DNAH5: variants seen among roughly 807,000 people sequenced by gnomAD.
DNAH5 encodes dynein axonemal heavy chain 5, also known as axonemal beta dynein heavy chain 5.
A neutral mutation model predicts 518.2 loss-of-function variants in DNAH5; 372 were observed. That is an observed-to-expected ratio of 0.72 (90% CI 0.66 to 0.78). The LOEUF (loss-of-function observed/expected upper bound fraction) is 0.78, where lower values mean the gene tolerates loss of function less well. Ranked by LOEUF, DNAH5 falls within the 30% of genes least tolerant of loss-of-function variation. The pLI, the probability that DNAH5 is intolerant of heterozygous loss-of-function variation, is 0.00. For synonymous variants in DNAH5, 2,039 were observed against 2,025.9 expected, an observed-to-expected ratio of 1.01 and a Z score of -0.17; for missense variants, 5,523 against 5,687.0, an observed-to-expected ratio of 0.97 and a Z score of 0.93.
chr5:13,771,033 T>C, intron 55 of DNAH5, 53 bp from the exon 56 acceptor site: 17 of 1,419,690 alleles, frequency 1.2e-5, no homozygotes, highest in Non-Finnish European at 1.6e-5. Context: ...GTTACCCTTT[T>C]AAAAGTTAAC....
At chr5:13,920,694 T>C in intron 5 of DNAH5, 77 bp from the exon 6 acceptor site, 2 of 1,551,070 alleles carry the variant, frequency 1.3e-6, no homozygotes, top group East Asian at 2.3e-5. Context: ...GTTTTCCACT[T>C]TGCTGCACTC....
intron 1 of DNAH5, among the ~76,000 whole-genome samples, chr5:14,010,592 C>T (rs576214352): frequency 1.9e-3 from 283 of 152,098 alleles, no homozygotes; most frequent in African/African-American, 6.6e-3. Flanking sequence ...ACTTGAAATA[C>T]TAAAAAGAGC....
intron 55 of DNAH5, among the ~76,000 whole-genome samples, chr5:13,774,682 C>G (rs2126802137): frequency 6.6e-6 from 1 of 152,202 alleles, no homozygotes; most frequent in South Asian, 2.1e-4. Context: ...TATTTGCTAG[C>G]AACTGAGGAT....
At chr5:13,736,605 T>C (rs981554104) in intron 66 of DNAH5, among the ~76,000 whole-genome samples, 3 of 152,098 alleles carry the variant, frequency 2.0e-5, no homozygotes, top group African/African-American at 7.2e-5. Flanking sequence ...AGTTTCACCA[T>C]GTTATCCAGG....
chr5:13,835,889 C>T (rs1764320292), intron 35 of DNAH5, among the ~76,000 whole-genome samples: 1 of 152,142 alleles, frequency 6.6e-6, no homozygotes, highest in African/African-American at 2.4e-5. Context: ...CCTGCTGTTC[C>T]TCCAGTCATC....
Position 13,776,434 on chromosome 5 carries a change from C to G in DNAH5, c.9373+5G>C. 6.2e-7 allele frequency: 1 copy of G among 1,613,710 alleles called. No homozygotes were observed. Among genetic ancestry groups the G allele is most frequent in the Non-Finnish European group, 8.5e-7 (1 of 1,179,676 alleles). On this transcript the variant is annotated splice_donor_5th_base_variant and intron_variant, in intron 55 of 78. Transcript: ENST00000265104. ...ATGCCCTGGCATAAACATTTCCATA[C>G]TAACCAGCAACTAAAGCATCTTTGG...
chr5:13,722,927 C>A (rs1745247534), intron 70 of DNAH5, among the ~76,000 whole-genome samples: 1 of 152,164 alleles, frequency 6.6e-6, no homozygotes, highest in Non-Finnish European at 1.5e-5. Flanking sequence ...CCCAAAGGAA[C>A]AAGAAATGGT....
intron 65 of DNAH5, among the ~76,000 whole-genome samples, chr5:13,744,530 T>C (rs772892725): frequency 2.0e-5 from 3 of 152,082 alleles, no homozygotes; most frequent in Non-Finnish European, 4.4e-5. Context: ...TTTGAGATGA[T>C]GGATATGCTA....
intron 28 of DNAH5, among the ~76,000 whole-genome samples, 164 bp downstream of exon 28, chr5:13,864,233 A>G (rs112121070): frequency 1.1e-3 from 169 of 152,358 alleles, no homozygotes; most frequent in African/African-American, 3.8e-3. Context: ...AATCTGTCCC[A>G]TCTTAGGCCA....
intron 65 of DNAH5, among the ~76,000 whole-genome samples, chr5:13,741,635 T>C (rs1748560598): frequency 6.6e-6 from 1 of 152,148 alleles, no homozygotes; most frequent in African/African-American, 2.4e-5. Flanking sequence ...GAAATAAAAG[T>C]GATAATGAAA....
intron 35 of DNAH5, among the ~76,000 whole-genome samples, chr5:13,832,909 G>A (rs572593151): frequency 4.6e-5 from 7 of 152,276 alleles, no homozygotes; most frequent in South Asian, 2.1e-4. Context: ...AGCATTCATC[G>A]TAACTATTCA....
In DNAH5 at chr5:13,691,760, CT is replaced by C; in HGVS notation, c.*223del. Reference sequence around the variant, plus strand: ...ACTTCATTAGGATGCTGTAAATTTACTTTTATATCACTAAATAACATTTTCA... The same window carrying C: ...ACTTCATTAGGATGCTGTAAATTTACTTTATATCACTAAATAACATTTTCA... On this transcript the variant is annotated 3_prime_UTR_variant, in exon 79 of 79. Coordinates refer to ENST00000265104, the MANE Select transcript of DNAH5 (RefSeq NM_001369.3). The C allele has an allele frequency of 1.8e-6, 1 of 568,316 alleles. No individual in the cohort carries two copies. The highest frequency in any genetic ancestry group is 3.1e-6 in the Non-Finnish European group (1 of 324,062). The allele number at this position is 568,316 out of a possible 1,614,324, so 35.2% of individuals were successfully genotyped here.
At chr5:13,837,692 CTTTTTTTTTTTTTTT>C (rs534618242) in intron 35 of DNAH5, among the ~76,000 whole-genome samples, 6 of 95,138 alleles carry the variant, frequency 6.3e-5, no homozygotes, top group African/African-American at 8.1e-5. Flanking sequence ...GGGAACTCCA[CTTTTTTTTTTTTTTT>C]TTTTTTTTTT....
intron 52 of DNAH5, among the ~76,000 whole-genome samples, chr5:13,785,779 G>A (rs1176635404): frequency 1.3e-5 from 2 of 152,130 alleles, no homozygotes; most frequent in Non-Finnish European, 2.9e-5. Context: ...ACCCTTCTGA[G>A]TCTGGCTTAC....
At chr5:14,010,871 A>G (rs550447605) in intron 1 of DNAH5, among the ~76,000 whole-genome samples, 3 of 131,250 alleles carry the variant, frequency 2.3e-5, no homozygotes, top group South Asian at 5.0e-4. Context: ...ATCGATTAGC[A>G]TAATAGATCC....
intron 75 of DNAH5, among the ~76,000 whole-genome samples, chr5:13,712,188 T>A (rs1371717570): frequency 1.3e-5 from 2 of 152,164 alleles, no homozygotes; most frequent in Non-Finnish European, 2.9e-5. Flanking sequence ...CCAACTGATT[T>A]CGACAAAGCA....
intron 11 of DNAH5, 105 bp downstream of exon 11, chr5:13,913,638 C>T: frequency 1.5e-6 from 2 of 1,350,642 alleles, no homozygotes; most frequent in Non-Finnish European, 2.0e-6. Context: ...TTATATTTTA[C>T]TTTACAGACT....
At position 13,941,818 on chromosome 5, in the gene DNAH5, G is replaced by A. The variant is rs151331910; in HGVS notation, c.57+2564C>T. Among the ~76,000 whole-genome samples the A allele has an allele frequency of 2.5e-3, 381 of 152,298 alleles. 1 individual carries two copies. The highest frequency in any genetic ancestry group is 4.0e-3 in the Non-Finnish European group (274 of 68,024). ...ACAAAACAGGAACAACACACATTCC[G>A]CTGCAGTGGGGAGAAGACTTTTCTC... On this transcript the variant is annotated intron_variant, in intron 1 of 78. Transcript: ENST00000265104.
rs774650371 is a variant in DNAH5 at position 13,845,006 on chromosome 5, GA to G, written c.5115-14del. On this transcript the variant is annotated splice_polypyrimidine_tract_variant and intron_variant, in intron 31 of 78. Transcript: ENST00000265104. The stretch of plus-strand genomic sequence containing the variant: ...TTTCTCCAAGTACCTACAAGGAGAG[GA>G]AAAACATAAACCTTTATAACCACAC... 8.1e-6 allele frequency: 13 copies of G among 1,612,890 alleles called. No individual in the cohort carries two copies. The Admixed American group carries it at 1.5e-4, about 19-fold the overall frequency.
Sources: gnomAD v4.1 joint callset for allele counts (sites outside exome capture counted in the v4.1 genomes callset) on GRCh38, gnomAD v4.1.1 for gene constraint, MANE v1.5 for transcripts, NCBI Gene and HGNC (gene_info 2026-07-23, HGNC 2026-07-21) for gene names.